The following SMARCD2 variants were observed in gnomAD, a reference collection of about 807,000 sequenced individuals.
SMARCD2 encodes SWI/SNF related BAF chromatin remodeling complex subunit D2.
In SMARCD2, 39 loss-of-function variants were observed where a neutral mutation model predicts 70.4. That is an observed-to-expected ratio of 0.55 (90% CI 0.43 to 0.72). The LOEUF (loss-of-function observed/expected upper bound fraction) is 0.72. SMARCD2 is among the 30% of genes least tolerant of loss of function. The probability of loss-of-function intolerance (pLI) is 0.00; values close to 1 mark genes in which losing one functional copy is unlikely to be tolerated. For synonymous variants in SMARCD2, 249 were observed against 279.4 expected, an observed-to-expected ratio of 0.89 and a Z score of 1.08; for missense variants, 540 against 713.4, an observed-to-expected ratio of 0.76 and a Z score of 2.77.
rs2040221941 is a variant in SMARCD2, at chr17:63,833,500, C to T, written c.1318-80G>A. Reference sequence around the variant, plus strand: ...GAGCCAGAGTTCCCATCCCGTCCTCCAGGTGCTACATGTATGGAAATGCTG... The same window carrying T: ...GAGCCAGAGTTCCCATCCCGTCCTCTAGGTGCTACATGTATGGAAATGCTG... On this transcript the variant is annotated intron_variant, in intron 10 of 12. Coordinates refer to ENST00000448276, the MANE Select transcript of SMARCD2 (RefSeq NM_001098426.2). This position sits in a 1 kb window ranked among gnomAD's most constrained non-coding sequence, Gnocchi z 4.3. 6.2e-7 allele frequency: 1 copy of T among 1,609,446 alleles called. No individual in the cohort carries two copies. Among genetic ancestry groups the T allele is most frequent in the African/African-American group, 1.3e-5 (1 of 74,834 alleles).
In SMARCD2 at chr17:63,838,647, C is replaced by G. The variant is rs1805600695; in HGVS notation, c.217-1022G>C. On this transcript the variant is annotated intron_variant, in intron 1 of 12. Transcript: ENST00000448276. ...TCCCTGACATTTCTGTGGAGCCCAT[C>G]TGGGAGTCACCTCCACCCCCACCCG... is the stretch of plus-strand genomic sequence containing the variant. 9 of 1,493,452 alleles carry G rather than the reference C, an allele frequency of 6.0e-6. No homozygotes were observed. The South Asian group carries it at 1.2e-4, about 19-fold the overall frequency. The allele number at this position is 1,493,452 out of a possible 1,614,324, so 92.5% of individuals were successfully genotyped here.
In SMARCD2 at chr17:63,833,595, C is replaced by T. The variant is rs1369396331; in HGVS notation, c.1309G>A (p.Asp437Asn). Residue 437 changes from aspartate (D) to asparagine (N), a missense_variant, in exon 10 of 13, where the codon GAT becomes AAT. By Grantham distance (23) the Asp-to-Asn change is conservative. Coordinates refer to ENST00000448276, the MANE Select transcript of SMARCD2 (RefSeq NM_001098426.2). The surrounding 1 kb of genome is among the most constrained non-coding windows in gnomAD (Gnocchi z 4.3). ...GGAGCCAGAGGGCCCACCTTGACAT[C>T]AAGGGAGGCGATCTCCTGCTGATTG... is the stretch of plus-strand genomic sequence containing the variant. ...TTNQQEIASL[D>N]VKIHETIESI... is the part of the protein sequence containing the mutation. The T allele has an allele frequency of 3.1e-6, 5 of 1,613,892 alleles. No individual in the cohort carries two copies. The African/African-American group carries it at 5.3e-5, about 17-fold the overall frequency.
intron 1 of SMARCD2, chr17:63,838,625 C>G: frequency 6.7e-7 from 1 of 1,497,386 alleles, no homozygotes; most frequent in Non-Finnish European, 8.9e-7. Context: ...GCCTTGCTCC[C>G]TGACATTTCT....
chr17:63,842,343 T>C (rs977845178), intron 1 of SMARCD2, 116 bp downstream of exon 1: 228 of 1,184,788 alleles, frequency 1.9e-4, no homozygotes, highest in Admixed American at 6.7e-4. Context: ...CCCTCCACCG[T>C]CTCCCGGAGT....
chr17:63,837,182 T>C lies in SMARCD2; in HGVS notation c.444+13A>G, dbSNP rs1438695946. ...CACTGGGCAGGCCTCCCAGGTGTCC[T>C]CTTAACACTTACTCGCTGAGGTAGA... On this transcript the variant is annotated intron_variant, in intron 3 of 12. Coordinates refer to ENST00000448276, the MANE Select transcript of SMARCD2 (RefSeq NM_001098426.2). The surrounding 1 kb of genome is among the most constrained non-coding windows in gnomAD (Gnocchi z 6.4). 1.2e-6 allele frequency: 2 copies of C among 1,613,292 alleles called. No individual in the cohort carries two copies. The highest frequency in any genetic ancestry group is 8.5e-7 in the Non-Finnish European group (1 of 1,179,606).
intron 1 of SMARCD2, among the ~76,000 whole-genome samples, chr17:63,839,917 A>G (rs948017668): frequency 1.3e-5 from 2 of 152,156 alleles, no homozygotes; most frequent in African/African-American, 4.8e-5. Flanking sequence ...TCACAAGGTC[A>G]GGAGTTCGAG....
At position 63,834,863 on chromosome 17, in the gene SMARCD2, T is replaced by C; in HGVS notation, c.724-63A>G. 8.4e-7 allele frequency: 1 copy of C among 1,191,118 alleles called. No homozygotes were observed. The highest frequency in any genetic ancestry group is 1.2e-5 in the South Asian group (1 of 81,230). The allele number at this position is 1,191,118 out of a possible 1,614,324, so 73.8% of individuals were successfully genotyped here. A position where few individuals can be genotyped will look rare whatever the true frequency, so the allele number is the denominator to read the frequency against. On this transcript the variant is annotated intron_variant, in intron 5 of 12. Coordinates refer to ENST00000448276, the MANE Select transcript of SMARCD2 (RefSeq NM_001098426.2). The surrounding 1 kb of genome is among the most constrained non-coding windows in gnomAD (Gnocchi z 5.6). The stretch of plus-strand genomic sequence containing the variant: ...CTCTCAAATCTCAAGCTATGCTAAA[T>C]CCCAAGAAAGAGAAGCCCCATTTCA...
Position 63,834,279 on chromosome 17 carries a change from T to C in SMARCD2, c.971A>G (p.His324Arg), listed in dbSNP as rs750843720. The C allele has an allele frequency of 6.2e-7, 1 of 1,612,042 alleles. No homozygotes were observed. The change falls in exon 8 of 13, where the codon CAC becomes CGC. Residue 324 changes from histidine to arginine, a missense_variant. By Grantham distance (29) the His-to-Arg change is conservative. Transcript: ENST00000448276. This position sits in a 1 kb window ranked among gnomAD's most constrained non-coding sequence, Gnocchi z 5.6. ...CATGATGGCGGCCCTCGTCTGCGTG[T>C]GCACTCCCAGCAGCCTTGCCAATCG... ...DPRLARLLGV[H>R]TQTRAAIMQA...
chr17:63,833,192 G>C lies in SMARCD2; in HGVS notation c.1441-22C>G. 1 of 1,608,580 alleles carries C rather than the reference G, an allele frequency of 6.2e-7. No homozygotes were observed. The highest frequency in any genetic ancestry group is 8.5e-7 in the Non-Finnish European group (1 of 1,176,776). On this transcript the variant is annotated intron_variant, in intron 11 of 12. Transcript: ENST00000448276. The surrounding 1 kb of genome is among the most constrained non-coding windows in gnomAD (Gnocchi z 4.3). Reference sequence around the variant, plus strand: ...TGATCTGCAAAGAGCCAGGAGGAAAGCCATAGCATAATCCCCACCCCTGGG... The same window carrying C: ...TGATCTGCAAAGAGCCAGGAGGAAACCCATAGCATAATCCCCACCCCTGGG...
chr17:63,832,778 A>G lies in SMARCD2; in HGVS notation c.*160T>C. ...AAGTATAAGGCTTTGGGGACCAAGC[A>G]ACAAGGAATCCTATCACTACATTTA... is the stretch of plus-strand genomic sequence containing the variant. On this transcript the variant is annotated 3_prime_UTR_variant, in exon 13 of 13. Coordinates refer to ENST00000448276, the MANE Select transcript of SMARCD2 (RefSeq NM_001098426.2). 1 of 681,028 alleles carries G rather than the reference A, an allele frequency of 1.5e-6. No individual in the cohort carries two copies. The highest frequency in any genetic ancestry group is 2.6e-6 in the Non-Finnish European group (1 of 387,720). 42.2% of individuals were successfully genotyped at this position (681,028 alleles called of 1,614,324 possible). A position where few individuals can be genotyped will look rare whatever the true frequency, so the allele number is the denominator to read the frequency against.
chr17:63,835,523 G>A lies in SMARCD2; in HGVS notation c.612C>T (p.Pro204=). ...CTGCACTATCGCCTTCCGCCTTGCTGGGACTGAACGTATTGGAAATGTAGA... is the reference window on the plus strand; with the variant it reads ...CTGCACTATCGCCTTCCGCCTTGCTAGGACTGAACGTATTGGAAATGTAGA... ...LRIYISNTFS[P]SKAEGDSAGT... is the part of the protein sequence containing the mutation. The change falls in exon 5 of 13, where the codon CCC becomes CCT. Residue 204 remains proline (P), a synonymous_variant. Transcript: ENST00000448276. 6.2e-7 allele frequency: 1 copy of A among 1,614,046 alleles called. No individual in the cohort carries two copies. The highest frequency in any genetic ancestry group is 8.5e-7 in the Non-Finnish European group (1 of 1,179,880).
Position 63,837,687 on chromosome 17 carries a change from C to T in SMARCD2, c.217-62G>A. 2 of 1,368,614 alleles carry T rather than the reference C, an allele frequency of 1.5e-6. No individual in the cohort carries two copies. The highest frequency in any genetic ancestry group is 2.1e-5 in the Admixed American group (1 of 48,098). 84.8% of individuals were successfully genotyped at this position (1,368,614 alleles called of 1,614,324 possible). A position where few individuals can be genotyped will look rare whatever the true frequency, so the allele number is the denominator to read the frequency against. ...GGGCAAGGCCCTCCGGGACCCATAGCCCATGCCCTCCATCCCTCTCGTCAG... is the reference window on the plus strand; with the variant it reads ...GGGCAAGGCCCTCCGGGACCCATAGTCCATGCCCTCCATCCCTCTCGTCAG... On this transcript the variant is annotated intron_variant, in intron 1 of 12. Coordinates refer to ENST00000448276, the MANE Select transcript of SMARCD2 (RefSeq NM_001098426.2). This position sits in a 1 kb window ranked among gnomAD's most constrained non-coding sequence, Gnocchi z 6.4.
intron 1 of SMARCD2, among the ~76,000 whole-genome samples, chr17:63,841,833 G>A (rs533848549): frequency 2.4e-4 from 37 of 152,328 alleles, no homozygotes; most frequent in East Asian, 7.7e-4. Context: ...CTCAGGCCAG[G>A]CCACCACCGT....
In SMARCD2 at chr17:63,834,694, C is replaced by A. The variant is rs1212202621; in HGVS notation, c.819+11G>T. The A allele has an allele frequency of 6.2e-7, 1 of 1,606,942 alleles. No individual in the cohort carries two copies. Among genetic ancestry groups the A allele is most frequent in the Non-Finnish European group, 8.5e-7 (1 of 1,173,490 alleles). ...CACATCAGCCTGCTTTTGCCCCAGG[C>A]CCACTCTCACCTCCACCAGGTGATT... On this transcript the variant is annotated intron_variant, in intron 6 of 12. Transcript: ENST00000448276. The surrounding 1 kb of genome is among the most constrained non-coding windows in gnomAD (Gnocchi z 5.6).
chr17:63,837,708 G>C lies in SMARCD2; in HGVS notation c.217-83C>G. On this transcript the variant is annotated intron_variant, in intron 1 of 12. Coordinates refer to ENST00000448276, the MANE Select transcript of SMARCD2 (RefSeq NM_001098426.2). The surrounding 1 kb of genome is among the most constrained non-coding windows in gnomAD (Gnocchi z 6.4). ...ATAGCCCATGCCCTCCATCCCTCTC[G>C]TCAGCCAGGTAGGGCCTGAGCAGCA... 1 of 1,178,680 alleles carries C rather than the reference G, an allele frequency of 8.5e-7. No homozygotes were observed. The highest frequency in any genetic ancestry group is 1.5e-5 in the South Asian group (1 of 67,998). 73.0% of individuals were successfully genotyped at this position (1,178,680 alleles called of 1,614,324 possible).
chr17:63,839,111 A>C, intron 1 of SMARCD2: 1 of 985,350 alleles, frequency 1.0e-6, no homozygotes, highest in Non-Finnish European at 1.2e-6. Flanking sequence ...TGAAAGGCAA[A>C]AGACAGCCTC....
At position 63,837,342 on chromosome 17, in the gene SMARCD2, G is replaced by A. The variant is rs2040278509; in HGVS notation, c.401+99C>T. On this transcript the variant is annotated intron_variant, in intron 2 of 12. Transcript: ENST00000448276. The surrounding 1 kb of genome is among the most constrained non-coding windows in gnomAD (Gnocchi z 6.4). ...AGGACCCTCTCCCCCAGGAGAGCCT[G>A]GAGTCATCCTCAGTCACCAAAGCTC... 2 of 1,518,180 alleles carry A rather than the reference G, an allele frequency of 1.3e-6. No individual in the cohort carries two copies. Among genetic ancestry groups the A allele is most frequent in the Non-Finnish European group, 1.8e-6 (2 of 1,093,352 alleles). 94.0% of individuals were successfully genotyped at this position (1,518,180 alleles called of 1,614,324 possible).
At position 63,834,488 on chromosome 17, in the gene SMARCD2, T is replaced by C; in HGVS notation, c.907A>G (p.Met303Val). The C allele has an allele frequency of 6.3e-7, 1 of 1,591,346 alleles. No homozygotes were observed. The highest frequency in any genetic ancestry group is 8.6e-7 in the Non-Finnish European group (1 of 1,164,482). The part of the protein sequence containing the change: ...DLNVKCTLLL[M>V]LDHQPPQYKL... ...GTCTCTGTCACCTGATGATCCAGCATGAGCAGGAGGGTGCACTTGACGTTG... is the reference window on the plus strand; with the variant it reads ...GTCTCTGTCACCTGATGATCCAGCACGAGCAGGAGGGTGCACTTGACGTTG... Residue 303 changes from methionine (M) to valine (V), a missense_variant, in exon 7 of 13, where the codon ATG becomes GTG. By Grantham distance (21) the Met-to-Val change is conservative. Coordinates refer to ENST00000448276, the MANE Select transcript of SMARCD2 (RefSeq NM_001098426.2). This position sits in a 1 kb window ranked among gnomAD's most constrained non-coding sequence, Gnocchi z 5.6.
rs902715433 is a variant in SMARCD2, at chr17:63,832,327, C to T, written c.*611G>A. On this transcript the variant is annotated 3_prime_UTR_variant, in exon 13 of 13. Coordinates refer to ENST00000448276, the MANE Select transcript of SMARCD2 (RefSeq NM_001098426.2). The stretch of plus-strand genomic sequence containing the variant: ...CCTCTGGCATCCCAGGAGATGATGG[C>T]GGCCAGAGCCGCTTGCATAGATTGA... The T allele has an allele frequency of 2.3e-5, 7 of 310,138 alleles. No individual in the cohort carries two copies. Among genetic ancestry groups the T allele is most frequent in the Admixed American group, 4.7e-5 (1 of 21,222 alleles). 19.2% of individuals were successfully genotyped at this position (310,138 alleles called of 1,614,324 possible).
Sources: allele counts gnomAD v4.1 joint callset (sites outside exome capture counted in the v4.1 genomes callset), GRCh38; gene constraint gnomAD v4.1.1; non-coding constraint Gnocchi (gnomAD v3.1); transcripts MANE v1.5; gene names NCBI Gene and HGNC (gene_info 2026-07-23, HGNC 2026-07-21).